MBD5: variants seen among roughly 807,000 people sequenced by gnomAD.
The protein encoded by MBD5 is methyl-CpG binding domain protein 5, also known as methyl-CpG-binding domain protein 5.
MBD5 carries 13 observed loss-of-function variants against 117.3 expected under a neutral mutation model. The ratio of observed to expected loss-of-function variants is 0.11; its 90% CI spans 0.07 to 0.18. MBD5 has a LOEUF of 0.18. MBD5 is among the 10% of genes least tolerant of loss of function. MBD5 has a pLI of 1.00. For synonymous variants in MBD5, 727 were observed against 766.4 expected, an observed-to-expected ratio of 0.95 and a Z score of 0.85; for missense variants, 1,879 against 2,093.8, an observed-to-expected ratio of 0.90 and a Z score of 2.00.
intron 2 of MBD5, among the ~76,000 whole-genome samples, chr2:148,207,975 TTC>T (rs1005138528): frequency 2.6e-5 from 4 of 152,148 alleles, no homozygotes; most frequent in African/African-American, 9.7e-5. Flanking sequence ...AATAATTATT[TTC>T]TTATAGTTCT....
At chr2:148,341,893 A>T (rs1702957644) in intron 3 of MBD5, among the ~76,000 whole-genome samples, 2 of 152,132 alleles carry the variant, frequency 1.3e-5, no homozygotes, top group Admixed American at 6.6e-5. Context: ...GATATAAAGG[A>T]TCTAGCATTG....
intron 3 of MBD5, chr2:148,244,387 A>C (rs904068702): frequency 2.6e-5 from 4 of 152,190 alleles, no homozygotes; most frequent in Non-Finnish European, 4.4e-5. Flanking sequence ...ATTATGAGAC[A>C]GTAGTTAAAC....
intron 3 of MBD5, among the ~76,000 whole-genome samples, chr2:148,255,530 A>G (rs78874535): frequency 0.017 from 2,582 of 152,266 alleles, 29 homozygotes; most frequent in East Asian, 0.034. Flanking sequence ...GGCCACAACC[A>G]GGTTTTCTAT....
At chr2:148,359,816 A>G (rs1326728294) in intron 4 of MBD5, among the ~76,000 whole-genome samples, 2 of 152,152 alleles carry the variant, frequency 1.3e-5, no homozygotes, top group African/African-American at 4.8e-5. Context: ...TTGCTTTTCA[A>G]ATAGATTAAG....
chr2:148,427,437 C>T (rs1329221556), intron 4 of MBD5, among the ~76,000 whole-genome samples: 1 of 151,344 alleles, frequency 6.6e-6, no homozygotes, highest in Non-Finnish European at 1.5e-5. Flanking sequence ...ATTCCATATA[C>T]ACCATGGAAT....
intron 3 of MBD5, among the ~76,000 whole-genome samples, chr2:148,298,410 G>T (rs1263479063): frequency 6.6e-6 from 1 of 152,184 alleles, no homozygotes; most frequent in Non-Finnish European, 1.5e-5. Context: ...GAGTGAGGAA[G>T]GCAGTGGGTT....
chr2:148,195,754 T>G (rs1245027734), intron 2 of MBD5, among the ~76,000 whole-genome samples: 2 of 152,054 alleles, frequency 1.3e-5, no homozygotes, highest in East Asian at 3.9e-4. Context: ...CAGGAAAACC[T>G]CTCGATATTT....
intron 1 of MBD5, among the ~76,000 whole-genome samples, chr2:148,091,033 C>A (rs1477550807): frequency 6.6e-6 from 1 of 151,948 alleles, no homozygotes. Flanking sequence ...CCAACAATGA[C>A]CAAGCTGAGA....
At chr2:148,369,707 A>G (rs921334773) in intron 4 of MBD5, among the ~76,000 whole-genome samples, 1 of 152,046 alleles carries the variant, frequency 6.6e-6, no homozygotes, top group African/African-American at 2.4e-5. Context: ...TTTTATTTCA[A>G]TAGCTTTTGG....
chr2:148,229,803 C>T (rs536640480), intron 2 of MBD5, among the ~76,000 whole-genome samples: 1 of 152,278 alleles, frequency 6.6e-6, no homozygotes, highest in African/African-American at 2.4e-5. Flanking sequence ...GAAGGATTAT[C>T]TGGATTACCA....
At chr2:148,353,045 C>T (rs1013572397) in intron 4 of MBD5, among the ~76,000 whole-genome samples, 23 of 152,076 alleles carry the variant, frequency 1.5e-4, no homozygotes, top group African/African-American at 5.3e-4. Flanking sequence ...ACAATATCTC[C>T]TGAGGATAGA....
chr2:148,389,454 T>A (rs961273888), intron 4 of MBD5, among the ~76,000 whole-genome samples: 5 of 151,136 alleles, frequency 3.3e-5, no homozygotes, highest in Non-Finnish European at 5.9e-5. Context: ...CACCCAGTAG[T>A]GAGATTGCTG....
At chr2:148,108,502 G>A (rs544940608) in intron 1 of MBD5, among the ~76,000 whole-genome samples, 17 of 151,240 alleles carry the variant, frequency 1.1e-4, no homozygotes, top group African/African-American at 4.1e-4. Flanking sequence ...ATGGATGGTC[G>A]GCTATTGGGT....
chr2:148,251,769 A>T (rs1700471125), intron 3 of MBD5, among the ~76,000 whole-genome samples: 1 of 152,192 alleles, frequency 6.6e-6, no homozygotes, highest in African/African-American at 2.4e-5. Flanking sequence ...GTCAACAATT[A>T]ATGCAATTGT....
chr2:148,266,311 A>C (rs1190427334), intron 3 of MBD5, among the ~76,000 whole-genome samples: 1 of 152,148 alleles, frequency 6.6e-6, no homozygotes, highest in Non-Finnish European at 1.5e-5. Flanking sequence ...TCATCCCAAT[A>C]GATACATTAA....
intron 1 of MBD5, among the ~76,000 whole-genome samples, chr2:148,102,022 C>G (rs1696229936): frequency 6.6e-6 from 1 of 152,144 alleles, no homozygotes; most frequent in African/African-American, 2.4e-5. Flanking sequence ...ATCACTGACT[C>G]TTTCGATTTA....
At chr2:148,388,847 T>TG (rs1234882300) in intron 4 of MBD5, among the ~76,000 whole-genome samples, 8 of 152,132 alleles carry the variant, frequency 5.3e-5, no homozygotes, top group Admixed American at 2.0e-4. Context: ...TTATTCAAAA[T>TG]TATTATAATT....
At chr2:148,165,694 A>G (rs186165298) in intron 1 of MBD5, among the ~76,000 whole-genome samples, 61 of 152,238 alleles carry the variant, frequency 4.0e-4, no homozygotes, top group African/African-American at 1.4e-3. Context: ...TTTATTATAA[A>G]TATCTATGTC....
intron 1 of MBD5, among the ~76,000 whole-genome samples, chr2:148,052,999 A>T (rs948662590): frequency 1.3e-5 from 2 of 149,546 alleles, no homozygotes; most frequent in African/African-American, 4.9e-5. Flanking sequence ...GACAATGTGT[A>T]TTCTACTTGG....
Sources: gnomAD v4.1 joint callset for allele counts (sites outside exome capture counted in the v4.1 genomes callset) on GRCh38, gnomAD v4.1.1 for gene constraint, MANE v1.5 for transcripts, NCBI Gene and HGNC (gene_info 2026-07-23, HGNC 2026-07-21) for gene names.